CRISPLD2: variants seen among roughly 807,000 people sequenced by gnomAD.
CRISPLD2 encodes the protein cysteine rich secretory protein LCCL domain containing 2, also known as cysteine-rich secretory protein LCCL domain-containing 2.
A neutral mutation model predicts 71.1 loss-of-function variants in CRISPLD2; 47 were observed. That is an observed-to-expected ratio of 0.66 (90% CI 0.52 to 0.84). The LOEUF is 0.84. Ranked by LOEUF, CRISPLD2 falls within the 40% of genes least tolerant of loss-of-function variation. The pLI is 0.00. For synonymous variants in CRISPLD2, 317 were observed against 250.1 expected, an observed-to-expected ratio of 1.27 and a Z score of -2.52; for missense variants, 830 against 651.1, an observed-to-expected ratio of 1.27 and a Z score of -2.99.
chr16:84,823,743 G>A (rs1401523089), intron 1 of CRISPLD2, among the ~76,000 whole-genome samples: 1 of 152,192 alleles, frequency 6.6e-6, no homozygotes, highest in Admixed American at 6.5e-5. Context: ...TGCTGCATCA[G>A]CTAAGACAAA....
rs8062969 is a variant in CRISPLD2, at chr16:84,880,638, A to G, written c.1305+54A>G. The G allele has an allele frequency of 4.4e-3, 5,997 of 1,363,014 alleles. 203 individuals carry two copies. In the African/African-American group the frequency reaches 0.076, roughly 17 times the overall value. 84.4% of individuals were successfully genotyped at this position (1,363,014 alleles called of 1,614,324 possible). A position where few individuals can be genotyped will look rare whatever the true frequency, so the allele number is the denominator to read the frequency against. Reference sequence around the variant, plus strand: ...CTCGCAAAGCCTGTTAAAGACCTCAACATGCAAGCTCCAAGATCTGGATAC... The same window carrying G: ...CTCGCAAAGCCTGTTAAAGACCTCAGCATGCAAGCTCCAAGATCTGGATAC... On this transcript the variant is annotated intron_variant, in intron 13 of 14. Coordinates refer to ENST00000262424, the MANE Select transcript of CRISPLD2 (RefSeq NM_031476.4).
At chr16:84,876,513 G>A (rs1433196518) in intron 11 of CRISPLD2, among the ~76,000 whole-genome samples, 1 of 148,940 alleles carries the variant, frequency 6.7e-6, no homozygotes, top group Non-Finnish European at 1.5e-5. Context: ...AAAAAAAAAG[G>A]CCGGTGCAGT....
At chr16:84,898,398 T>G (rs998050015) in intron 14 of CRISPLD2, among the ~76,000 whole-genome samples, 4 of 152,142 alleles carry the variant, frequency 2.6e-5, no homozygotes, top group African/African-American at 9.7e-5. Context: ...ATCTTCCTCC[T>G]ACATTTCCAC....
intron 1 of CRISPLD2, among the ~76,000 whole-genome samples, chr16:84,830,563 C>T (rs1273431828): frequency 3.9e-5 from 6 of 152,004 alleles, no homozygotes; most frequent in African/African-American, 9.7e-5. Flanking sequence ...ATTAGCCAGG[C>T]GTGGTGGCAT....
At chr16:84,834,156 G>T (rs1916557958) in intron 1 of CRISPLD2, among the ~76,000 whole-genome samples, 3 of 152,202 alleles carry the variant, frequency 2.0e-5, no homozygotes, top group Non-Finnish European at 4.4e-5. Flanking sequence ...GAGTGATGGA[G>T]CCCAGACTCT....
intron 2 of CRISPLD2, among the ~76,000 whole-genome samples, chr16:84,845,417 C>A (rs544714160): frequency 3.9e-4 from 59 of 152,334 alleles, no homozygotes; most frequent in Admixed American, 5.9e-4. Flanking sequence ...TCGGGACAGG[C>A]TTCCAGGCCA....
chr16:84,893,973 G>A (rs2071684384), intron 14 of CRISPLD2, among the ~76,000 whole-genome samples: 1 of 152,224 alleles, frequency 6.6e-6, no homozygotes, highest in Non-Finnish European at 1.5e-5. Context: ...CCAGTTCACA[G>A]CAAACTGTAC....
Position 84,858,521 on chromosome 16 carries a change from A to G in CRISPLD2, c.709+3692A>G, listed in dbSNP as rs574972965. 3.9e-5 allele frequency among the ~76,000 whole-genome samples: 6 copies of G among 152,318 alleles called. No individual in the cohort carries two copies. The East Asian group carries it at 1.2e-3, about 29-fold the overall frequency. ...GTAGAAGTTTCCTGAATTTTAGTCA[A>G]ATTTATTTCCCATCCTCTGGCACAC... On this transcript the variant is annotated intron_variant, in intron 6 of 14. Coordinates refer to ENST00000262424, the MANE Select transcript of CRISPLD2 (RefSeq NM_031476.4).
chr16:84,897,263 G>A (rs559573639), intron 14 of CRISPLD2, among the ~76,000 whole-genome samples: 1 of 150,308 alleles, frequency 6.7e-6, no homozygotes, highest in African/African-American at 2.5e-5. Context: ...GACCAACAGG[G>A]TGTAATCCCA....
chr16:84,849,372 T>A lies in CRISPLD2; in HGVS notation c.360-13T>A. On this transcript the variant is annotated splice_polypyrimidine_tract_variant and intron_variant, in intron 3 of 14. Transcript: ENST00000262424. Reference sequence around the variant, plus strand: ...GAGGGGCTGGGACTGAGTGAGCGGTTTCTGCCCTGCAGGTATCGCTCTCCG... The same window carrying A: ...GAGGGGCTGGGACTGAGTGAGCGGTATCTGCCCTGCAGGTATCGCTCTCCG... 1 of 1,609,280 alleles carries A rather than the reference T, an allele frequency of 6.2e-7. No homozygotes were observed. The highest frequency in any genetic ancestry group is 1.1e-5 in the South Asian group (1 of 90,838).
chr16:84,904,356 G>A (rs201550274), intron 14 of CRISPLD2, among the ~76,000 whole-genome samples: 1 of 19,436 alleles, frequency 5.1e-5, no homozygotes. Flanking sequence ...AGGCCAAGGA[G>A]GGGAGGATCA....
intron 5 of CRISPLD2, among the ~76,000 whole-genome samples, chr16:84,850,890 T>G (rs76313540): frequency 0.028 from 4,278 of 152,184 alleles, 185 homozygotes; most frequent in African/African-American, 0.097. Context: ...CGTACCATTC[T>G]CTCCTCATGG....
rs202232857 is a variant in CRISPLD2 at position 84,849,505 on chromosome 16, G to T, written c.480G>T (p.Thr160=). The change falls in exon 4 of 15, where the codon ACG becomes ACT. Residue 160 remains threonine, a synonymous_variant. Transcript: ENST00000262424. Reference sequence around the variant, plus strand: ...AGAGGTGCTCGGGGCCCATGTGCACGCACTACACACAGGTAACTCGGGGAC... The same window carrying T: ...AGAGGTGCTCGGGGCCCATGTGCACTCACTACACACAGGTAACTCGGGGAC... ...CPERCSGPMC[T]HYTQIVWATT... is the part of the protein sequence containing the mutation. 6.2e-7 allele frequency: 1 copy of T among 1,613,916 alleles called. No individual in the cohort carries two copies. The highest frequency in any genetic ancestry group is 8.5e-7 in the Non-Finnish European group (1 of 1,179,968).
chr16:84,866,453 G>A (rs1393925885), intron 6 of CRISPLD2, among the ~76,000 whole-genome samples: 1 of 152,038 alleles, frequency 6.6e-6, no homozygotes, highest in Non-Finnish European at 1.5e-5. Context: ...CCAGGCTGGT[G>A]TCAAACTCCT....
intron 1 of CRISPLD2, among the ~76,000 whole-genome samples, chr16:84,829,606 G>A (rs1916437801): frequency 6.6e-6 from 1 of 152,174 alleles, no homozygotes; most frequent in Non-Finnish European, 1.5e-5. Context: ...TGTGGACCAT[G>A]GGTCTCAGCT....
chr16:84,861,253 G>T (rs951881442), intron 6 of CRISPLD2, among the ~76,000 whole-genome samples: 1 of 152,094 alleles, frequency 6.6e-6, no homozygotes, highest in Non-Finnish European at 1.5e-5. Flanking sequence ...TTAATATTGT[G>T]TTCCTCTAGA....
chr16:84,905,181 C>T (rs778557921), intron 14 of CRISPLD2, among the ~76,000 whole-genome samples: 21 of 152,100 alleles, frequency 1.4e-4, no homozygotes, highest in Middle Eastern at 3.2e-3. Context: ...GAGGGAGGAT[C>T]GCTTGCACTC....
intron 1 of CRISPLD2, among the ~76,000 whole-genome samples, chr16:84,831,188 G>C (rs1324532848): frequency 6.6e-6 from 1 of 152,192 alleles, no homozygotes; most frequent in Admixed American, 6.5e-5. Flanking sequence ...CTCCATGACA[G>C]AAAATGACAT....
chr16:84,864,533 C>G (rs1433537118), intron 6 of CRISPLD2, among the ~76,000 whole-genome samples: 1 of 152,232 alleles, frequency 6.6e-6, no homozygotes. Flanking sequence ...CCTGGGCAGC[C>G]TCTGCAAACC....
Sources: allele counts gnomAD v4.1 joint callset (sites outside exome capture counted in the v4.1 genomes callset), GRCh38; gene constraint gnomAD v4.1.1; transcripts MANE v1.5; gene names NCBI Gene and HGNC (gene_info 2026-07-23, HGNC 2026-07-21).